Variants in PARVA observed in about 807,000 individuals in gnomAD.
The protein encoded by PARVA is parvin alpha, also known as alpha-parvin.
A neutral mutation model predicts 52.6 loss-of-function variants in PARVA; 25 were observed. The ratio of observed to expected loss-of-function variants is 0.48; its 90% CI spans 0.35 to 0.66. The LOEUF (loss-of-function observed/expected upper bound fraction) is 0.66, where lower values mean the gene tolerates loss of function less well. Ranked by LOEUF, PARVA falls within the 30% of genes least tolerant of loss-of-function variation. PARVA has a pLI of 0.01. For synonymous variants in PARVA, 185 were observed against 179.1 expected, an observed-to-expected ratio of 1.03 and a Z score of -0.26; for missense variants, 373 against 450.9, an observed-to-expected ratio of 0.83 and a Z score of 1.56.
chr11:12,384,600 G>T (rs1358868906), intron 1 of PARVA, among the ~76,000 whole-genome samples: 1 of 152,216 alleles, frequency 6.6e-6, no homozygotes, highest in East Asian at 1.9e-4. Context: ...GATGGCTAGA[G>T]AAGGCCTCAC....
At chr11:12,395,662 A>G (rs1589941122) in intron 1 of PARVA, among the ~76,000 whole-genome samples, 2 of 152,042 alleles carry the variant, frequency 1.3e-5, no homozygotes, top group African/African-American at 2.4e-5. Context: ...TCCATCAAAG[A>G]CTCGGCCTCT....
Position 12,496,549 on chromosome 11 carries a change from C to G in PARVA, c.492C>G (p.Ile164Met). Reference sequence around the variant, plus strand: ...AACTGCAGACTGTCCTGGAGAAGATCAATGAAACCCTGAAACTTCCTCCCA... The same window carrying G: ...AACTGCAGACTGTCCTGGAGAAGATGAATGAAACCCTGAAACTTCCTCCCA... ...KQKLQTVLEK[I>M]NETLKLPPRS... Residue 164 changes from isoleucine (I) to methionine (M), a missense_variant, in exon 5 of 13, where the codon ATC (isoleucine) becomes ATG (methionine). By Grantham distance (10) the Ile-to-Met change is conservative (BLOSUM62 1). Transcript: ENST00000334956. 6.2e-6 allele frequency: 10 copies of G among 1,611,762 alleles called. No homozygotes were observed. The highest frequency in any genetic ancestry group is 8.5e-6 in the Non-Finnish European group (10 of 1,179,100).
intron 1 of PARVA, among the ~76,000 whole-genome samples, chr11:12,422,061 C>T (rs1389566504): frequency 1.3e-5 from 2 of 152,208 alleles, no homozygotes; most frequent in Non-Finnish European, 2.9e-5. Flanking sequence ...CTTCTATGTA[C>T]AATTTGAAAT....
intron 1 of PARVA, among the ~76,000 whole-genome samples, chr11:12,407,483 C>T (rs976317091): frequency 6.6e-6 from 1 of 152,138 alleles, no homozygotes; most frequent in Admixed American, 6.5e-5. Context: ...AAAAGATGCC[C>T]AGTAAACAGT....
rs140921343 is a variant in PARVA at position 12,389,165 on chromosome 11, G to A, written c.136+11382G>A. Among the ~76,000 whole-genome samples the A allele has an allele frequency of 2.3e-4, 35 of 152,326 alleles. No homozygotes were observed. In the East Asian group the frequency reaches 5.8e-3, roughly 25 times the overall value. Reference sequence around the variant, plus strand: ...CTAAGGGGTAGGATGGGAGGATGATGGGTCAGGGAGAGGAGATTTCCAGCC... The same window carrying A: ...CTAAGGGGTAGGATGGGAGGATGATAGGTCAGGGAGAGGAGATTTCCAGCC... On this transcript the variant is annotated intron_variant, in intron 1 of 12. Transcript: ENST00000334956.
intron 1 of PARVA, among the ~76,000 whole-genome samples, chr11:12,463,445 T>C (rs1940810983): frequency 6.6e-6 from 1 of 152,180 alleles, no homozygotes; most frequent in Non-Finnish European, 1.5e-5. Context: ...CCTGTTAGAA[T>C]TGACATTTTT....
intron 1 of PARVA, among the ~76,000 whole-genome samples, chr11:12,391,343 A>G (rs1351394792): frequency 6.6e-6 from 1 of 152,178 alleles, no homozygotes; most frequent in Non-Finnish European, 1.5e-5. Flanking sequence ...AATTGGCTAG[A>G]TGGCAATTGT....
intron 1 of PARVA, among the ~76,000 whole-genome samples, chr11:12,434,215 G>C (rs535961260): frequency 1.3e-5 from 2 of 152,120 alleles, no homozygotes; most frequent in East Asian, 3.9e-4. Flanking sequence ...GAAAGGCAGT[G>C]GGGGGCAAGG....
chr11:12,411,192 A>G (rs1939987805), intron 1 of PARVA, among the ~76,000 whole-genome samples: 1 of 152,076 alleles, frequency 6.6e-6, no homozygotes, highest in African/African-American at 2.4e-5. Flanking sequence ...TTAAAAACAG[A>G]TTTCACTTTT....
chr11:12,481,968 G>A (rs558635177), intron 4 of PARVA, among the ~76,000 whole-genome samples: 2 of 151,882 alleles, frequency 1.3e-5, no homozygotes, highest in East Asian at 3.9e-4. Context: ...TCAGGAGTTC[G>A]AGACCAGCCT....
intron 1 of PARVA, among the ~76,000 whole-genome samples, chr11:12,406,668 T>TG (rs1939913854): frequency 1.0e-5 from 1 of 96,534 alleles, no homozygotes; most frequent in African/African-American, 5.1e-5. Context: ...TCTGTTTTTT[T>TG]TTTTTTTTTT....
At chr11:12,479,690 T>C (rs1941059856) in intron 4 of PARVA, 1 of 152,272 alleles carries the variant, frequency 6.6e-6, no homozygotes. Context: ...AGGGACTATA[T>C]ATACACTTGC....
chr11:12,470,805 G>A (rs1246168293), intron 1 of PARVA, among the ~76,000 whole-genome samples: 1 of 152,104 alleles, frequency 6.6e-6, no homozygotes, highest in Non-Finnish European at 1.5e-5. Flanking sequence ...GCTTGAAGTG[G>A]GAGAATGTAT....
intron 1 of PARVA, among the ~76,000 whole-genome samples, chr11:12,461,996 C>A (rs1013221632): frequency 6.6e-6 from 1 of 152,120 alleles, no homozygotes. Flanking sequence ...CATATTATAA[C>A]CACTGAAACA....
chr11:12,501,416 T>G (rs1449761941), intron 5 of PARVA, among the ~76,000 whole-genome samples: 1 of 152,070 alleles, frequency 6.6e-6, no homozygotes, highest in East Asian at 1.9e-4. Context: ...CTTAAAGCAG[T>G]GGTTATTCAA....
intron 1 of PARVA, among the ~76,000 whole-genome samples, chr11:12,458,810 C>T (rs1940733871): frequency 6.6e-6 from 1 of 152,196 alleles, no homozygotes; most frequent in Non-Finnish European, 1.5e-5. Flanking sequence ...AGAGAACTCC[C>T]TGGGGGTAAC....
intron 1 of PARVA, among the ~76,000 whole-genome samples, chr11:12,426,694 G>A (rs1940239808): frequency 1.3e-5 from 2 of 152,188 alleles, no homozygotes; most frequent in Non-Finnish European, 2.9e-5. Flanking sequence ...TCGTATGTTT[G>A]TGAAAGGGGC....
intron 1 of PARVA, among the ~76,000 whole-genome samples, chr11:12,453,489 TGA>T (rs1940651893): frequency 6.6e-6 from 1 of 152,202 alleles, no homozygotes; most frequent in Non-Finnish European, 1.5e-5. Flanking sequence ...GTTGTCATTC[TGA>T]TTAGTGACGG....
chr11:12,470,601 C>T (rs1184935697), intron 1 of PARVA, among the ~76,000 whole-genome samples: 3 of 152,146 alleles, frequency 2.0e-5, no homozygotes, highest in Admixed American at 6.6e-5. Context: ...AGTGCCAGTC[C>T]TTACAAAACT....
Sources: gnomAD v4.1 joint callset for allele counts (sites outside exome capture counted in the v4.1 genomes callset) on GRCh38, gnomAD v4.1.1 for gene constraint, MANE v1.5 for transcripts, NCBI Gene and HGNC (gene_info 2026-07-23, HGNC 2026-07-21) for gene names.